Variants in AGTPBP1 observed in about 807,000 individuals in gnomAD.
AGTPBP1 encodes cytosolic carboxypeptidase 1.
In AGTPBP1, 70 loss-of-function variants were observed where a neutral mutation model predicts 143.9. The ratio of observed to expected loss-of-function variants is 0.49; its 90% CI spans 0.40 to 0.59. The LOEUF (loss-of-function observed/expected upper bound fraction) is 0.59. Among genes scored for constraint, AGTPBP1 ranks in the 20% least tolerant of loss-of-function variants. The probability of loss-of-function intolerance (pLI) is 0.00; values close to 1 mark genes in which losing one functional copy is unlikely to be tolerated. For missense variants in AGTPBP1, 1,229 were observed against 1,464.5 expected, an observed-to-expected ratio of 0.84 and a Z score of 2.62; for synonymous variants, 463 against 500.2, an observed-to-expected ratio of 0.93 and a Z score of 0.99.
Position 85,633,348 on chromosome 9 carries a change from T to C in AGTPBP1, c.1329A>G (p.Pro443=), listed in dbSNP as rs566444894. The C allele has an allele frequency of 6.3e-6, 10 of 1,579,702 alleles. No homozygotes were observed. The highest frequency in any genetic ancestry group is 6.8e-6 in the Non-Finnish European group (8 of 1,169,728). Reference sequence around the variant, plus strand: ...CTTTTCCCTCAAATACAAAAGGCTTTGGTTCTTTGGAGATTAAATCATAGT... The same window carrying C: ...CTTTTCCCTCAAATACAAAAGGCTTCGGTTCTTTGGAGATTAAATCATAGT... ...FQDYDLISKE[P]KPFVFEGKVR... Residue 443 remains proline, a synonymous_variant, in exon 14 of 26, where the codon CCA becomes CCG. Transcript: ENST00000357081.
At chr9:85,601,300 AC>A (rs1829654492) in intron 17 of AGTPBP1, among the ~76,000 whole-genome samples, 1 of 152,136 alleles carries the variant, frequency 6.6e-6, no homozygotes, top group African/African-American at 2.4e-5. Flanking sequence ...CCTAGGGATC[AC>A]CCAGCCGTCC....
chr9:85,689,898 CAAAAAAAAAAAAAAA>C (rs1156931410), intron 3 of AGTPBP1, among the ~76,000 whole-genome samples: 1 of 28,340 alleles, frequency 3.5e-5, no homozygotes, highest in African/African-American at 1.5e-4. Flanking sequence ...GACTCTGCCT[CAAAAAAAAAAAAAAA>C]AAAAAAAAAA....
chr9:85,675,355 T>C (rs1337419735), intron 6 of AGTPBP1, among the ~76,000 whole-genome samples: 2 of 152,166 alleles, frequency 1.3e-5, no homozygotes, highest in Non-Finnish European at 2.9e-5. Context: ...ATATCCTATT[T>C]TTCCCAATTT....
At chr9:85,639,713 G>A (rs1832341036) in intron 13 of AGTPBP1, among the ~76,000 whole-genome samples, 1 of 152,128 alleles carries the variant, frequency 6.6e-6, no homozygotes, top group South Asian at 2.1e-4. Context: ...CATAGTAAAT[G>A]CCATCATGCT....
chr9:85,630,462 G>A (rs891977364), intron 14 of AGTPBP1, among the ~76,000 whole-genome samples: 7 of 39,540 alleles, frequency 1.8e-4, no homozygotes, highest in African/African-American at 1.5e-3. Context: ...GCAGTGGCAC[G>A]ATTGATTGAT....
chr9:85,589,034 T>C (rs1828788163), intron 20 of AGTPBP1, among the ~76,000 whole-genome samples: 1 of 151,430 alleles, frequency 6.6e-6, no homozygotes, highest in African/African-American at 2.4e-5. Flanking sequence ...TTTCCTGAAA[T>C]ACTTCGCCTT....
intron 25 of AGTPBP1, among the ~76,000 whole-genome samples, chr9:85,551,202 C>G (rs148314277): frequency 1.3e-5 from 2 of 152,262 alleles, no homozygotes; most frequent in East Asian, 3.9e-4. Context: ...AACCTCTTTT[C>G]TTCATAAATT....
intron 2 of AGTPBP1, among the ~76,000 whole-genome samples, chr9:85,699,918 A>G (rs1358488186): frequency 6.6e-6 from 1 of 152,230 alleles, no homozygotes; most frequent in Non-Finnish European, 1.5e-5. Context: ...TAACATTTTT[A>G]TAAATGGTAT....
intron 19 of AGTPBP1, among the ~76,000 whole-genome samples, chr9:85,592,076 C>T (rs1402402652): frequency 1.3e-5 from 2 of 152,058 alleles, no homozygotes; most frequent in African/African-American, 2.4e-5. Flanking sequence ...AGAAAAAGAT[C>T]TCAATTTTTC....
At chr9:85,625,907 T>G (rs1831253549) in intron 14 of AGTPBP1, among the ~76,000 whole-genome samples, 1 of 133,948 alleles carries the variant, frequency 7.5e-6, no homozygotes, top group South Asian at 2.5e-4. Context: ...TAGTTTTGTT[T>G]TTTTTTTTTT....
At chr9:85,790,448 C>G in the AGTPBP1 span, among the ~76,000 whole-genome samples, 1 of 151,976 alleles carries the variant, frequency 6.6e-6, no homozygotes, top group African/African-American at 2.4e-5. Flanking sequence ...GTACTGCATA[C>G]AAAGAGAAAG....
At chr9:85,665,920 T>C (rs1357531419) in intron 8 of AGTPBP1, among the ~76,000 whole-genome samples, 2 of 152,286 alleles carry the variant, frequency 1.3e-5, no homozygotes, top group South Asian at 2.1e-4. Context: ...TCTGAAATTC[T>C]ATAACACTTA....
At chr9:85,574,142 CT>C (rs1397235549) in intron 25 of AGTPBP1, among the ~76,000 whole-genome samples, 1 of 152,070 alleles carries the variant, frequency 6.6e-6, no homozygotes, top group Non-Finnish European at 1.5e-5. Flanking sequence ...ATTCTTCTGC[CT>C]TGGGATCCTG....
chr9:85,793,259 A>G, the AGTPBP1 span, among the ~76,000 whole-genome samples: 1 of 152,170 alleles, frequency 6.6e-6, no homozygotes, highest in Admixed American at 6.5e-5. Context: ...CTTAAAACTG[A>G]TAAGAATTTT....
At chr9:85,753,207 T>G in the AGTPBP1 span, 85 of 1,479,566 alleles carry the variant, frequency 5.7e-5, 1 homozygote, top group South Asian at 8.5e-4. Flanking sequence ...CAGAGCGAGA[T>G]CTTGTCTCCA....
intron 4 of AGTPBP1, 29 bp from the exon 5 acceptor site, chr9:85,678,427 CATTGT>C: frequency 6.9e-7 from 1 of 1,451,062 alleles, no homozygotes; most frequent in Non-Finnish European, 9.4e-7. Flanking sequence ...TTTATTAAAA[CATTGT>C]AAACTTTTGA....
At chr9:85,704,976 A>T (rs193244154) in intron 2 of AGTPBP1, among the ~76,000 whole-genome samples, 1 of 152,160 alleles carries the variant, frequency 6.6e-6, no homozygotes. Context: ...GAACTTGAGG[A>T]CACGCAATAA....
intron 19 of AGTPBP1, 37 bp from the exon 20 acceptor site, chr9:85,589,718 T>C (rs1429900782): frequency 6.4e-7 from 1 of 1,562,316 alleles, no homozygotes; most frequent in Non-Finnish European, 8.7e-7. Flanking sequence ...TACAATCACT[T>C]AAAAAGTCCC....
chr9:85,663,686 C>A (rs78886823), intron 8 of AGTPBP1, among the ~76,000 whole-genome samples: 3,202 of 151,022 alleles, frequency 0.021, 126 homozygotes, highest in African/African-American at 0.073. Flanking sequence ...AAACACTTAT[C>A]ACAATAGTAT....
Sources: allele counts gnomAD v4.1 joint callset (sites outside exome capture counted in the v4.1 genomes callset), GRCh38; gene constraint gnomAD v4.1.1; transcripts MANE v1.5; gene names NCBI Gene and HGNC (gene_info 2026-07-23, HGNC 2026-07-21).